Variants in CUBN observed in about 807,000 individuals in gnomAD.
The protein encoded by CUBN is cubilin.
CUBN carries 282 observed loss-of-function variants against 405.3 expected under a neutral mutation model. The observed-to-expected ratio is 0.70, with a 90% CI of 0.63 to 0.77. The LOEUF (loss-of-function observed/expected upper bound fraction) is 0.77, where lower values mean the gene tolerates loss of function less well. Among genes scored for constraint, CUBN ranks in the 30% least tolerant of loss-of-function variants. The pLI, the probability that CUBN is intolerant of heterozygous loss-of-function variation, is 0.00. For missense variants in CUBN, 4,514 were observed against 4,475.2 expected (o/e 1.01, Z -0.25); for synonymous variants, 1,684 against 1,617.0 (o/e 1.04, Z -0.99).
chr10:16,989,350 C>T (rs1833513860), intron 29 of CUBN, among the ~76,000 whole-genome samples: 1 of 147,722 alleles, frequency 6.8e-6, no homozygotes, highest in Non-Finnish European at 1.5e-5. Flanking sequence ...ATATAATAAT[C>T]TGTTATAATA....
chr10:17,043,734 C>T, intron 26 of CUBN, 93 bp downstream of exon 26: 3 of 1,551,352 alleles, frequency 1.9e-6, no homozygotes, highest in Non-Finnish European at 2.7e-6. Flanking sequence ...AGCGAGTATA[C>T]ATACTTACTC....
At chr10:16,951,237 G>T (rs1326713979) in intron 33 of CUBN, among the ~76,000 whole-genome samples, 1 of 152,078 alleles carries the variant, frequency 6.6e-6, no homozygotes, top group African/African-American at 2.4e-5. Flanking sequence ...TTTCTTTGGG[G>T]CTCCACCTCC....
chr10:16,865,056 C>T (rs147059634), intron 59 of CUBN, among the ~76,000 whole-genome samples: 6,250 of 146,672 alleles, frequency 0.043, 186 homozygotes, highest in Non-Finnish European at 0.065. Flanking sequence ...GCAACCTCTG[C>T]CTCCTGGGTT....
chr10:17,068,485 C>T (rs766708155), intron 20 of CUBN, 120 bp downstream of exon 20: 1 of 972,616 alleles, frequency 1.0e-6, no homozygotes, highest in Non-Finnish European at 1.6e-6. Context: ...CATTCTTTGT[C>T]TTTGAGTGTA....
rs75552368 is a variant in CUBN at position 17,032,411 on chromosome 10, G to A, written c.4017+8622C>T. Among the ~76,000 whole-genome samples the A allele has an allele frequency of 3.9e-3, 590 of 152,246 alleles. 4 individuals carry two copies. Among genetic ancestry groups the A allele is most frequent in the African/African-American group, 0.012 (512 of 41,536 alleles). ...GGACTCCAGAGCCCACACTGTATTC[G>A]TGCAGCACTGAGTGTGAACGTAGTT... On this transcript the variant is annotated intron_variant, in intron 27 of 66. Transcript: ENST00000377833.
At chr10:16,888,781 A>T (rs905467297) in intron 55 of CUBN, among the ~76,000 whole-genome samples, 6 of 144,722 alleles carry the variant, frequency 4.1e-5, no homozygotes, top group Non-Finnish European at 8.0e-5. Flanking sequence ...AATGCTGCAG[A>T]GTTTTATGGA....
chr10:17,045,234 G>A, intron 24 of CUBN, 46 bp from the exon 25 acceptor site: 2 of 1,585,942 alleles, frequency 1.3e-6, no homozygotes, highest in Non-Finnish European at 1.7e-6. Flanking sequence ...TTCCTTCTGG[G>A]GAAATTGAAT....
intron 8 of CUBN, among the ~76,000 whole-genome samples, chr10:17,112,701 A>G (rs1013790555): frequency 5.9e-5 from 9 of 151,944 alleles, no homozygotes; most frequent in African/African-American, 2.2e-4. Context: ...ATCTAAATAT[A>G]TACACGCAGA....
Position 16,869,572 on chromosome 10 carries a change from G to C in CUBN, c.9454+64C>G, listed in dbSNP as rs1343886250. 2.7e-6 allele frequency: 3 copies of C among 1,131,742 alleles called. No individual in the cohort carries two copies. In the Admixed American group the frequency reaches 5.1e-5, roughly 19 times the overall value. 70.1% of individuals were successfully genotyped at this position (1,131,742 alleles called of 1,614,324 possible). On this transcript the variant is annotated intron_variant, in intron 59 of 66. Coordinates refer to ENST00000377833, the MANE Select transcript of CUBN (RefSeq NM_001081.4). The stretch of plus-strand genomic sequence containing the variant: ...CAGGTGGGGGTGGGGGGGGGGCGGG[G>C]AAATTAAATAAAGCAGAAAGGTAAC...
intron 22 of CUBN, among the ~76,000 whole-genome samples, chr10:17,058,415 G>C (rs1434505988): frequency 6.6e-6 from 1 of 151,980 alleles, no homozygotes; most frequent in East Asian, 1.9e-4. Flanking sequence ...TGAAAGTTCT[G>C]TGCACAGACA....
chr10:16,978,782 C>A (rs983349721), intron 31 of CUBN, among the ~76,000 whole-genome samples: 2 of 152,114 alleles, frequency 1.3e-5, no homozygotes, highest in African/African-American at 4.8e-5. Flanking sequence ...TAGCCCGGAA[C>A]AAGACAAGGG....
rs370508865 is a variant in CUBN at position 17,102,579 on chromosome 10, G to T, written c.1530+546C>A. ...TAGGATCACAGGCGTGAGCCACCAG[G>T]CCTGGCCTTGTTACTCTTTTTTTTT... On this transcript the variant is annotated intron_variant, in intron 13 of 66. Coordinates refer to ENST00000377833, the MANE Select transcript of CUBN (RefSeq NM_001081.4). Among the ~76,000 whole-genome samples the T allele has an allele frequency of 4.7e-5, 7 of 147,670 alleles. 1 individual carries two copies. Among genetic ancestry groups the T allele is most frequent in the East Asian group, 2.0e-4 (1 of 4,986 alleles).
intron 31 of CUBN, among the ~76,000 whole-genome samples, chr10:16,968,095 C>A (rs959161468): frequency 1.3e-5 from 2 of 152,130 alleles, no homozygotes; most frequent in African/African-American, 4.8e-5. Flanking sequence ...TTAAAGAAGA[C>A]TTGTTTCCAT....
chr10:17,068,163 A>G lies in CUBN; in HGVS notation c.2909T>C (p.Ile970Thr), dbSNP rs752885513. The stretch of plus-strand genomic sequence containing the variant: ...ATGAAATGTTTCGAACATTAAATGA[A>G]TCAGGTGATTAGGTTGGACTAATAT... ...WHILVQPNHL[I>T]HLMFETFHLE... Residue 970 changes from isoleucine to threonine, a missense_variant, in exon 21 of 67, where the codon ATT (isoleucine) becomes ACT (threonine). Ile to Thr is a moderately conservative substitution (Grantham distance 89). Around this residue, in one of 5 missense-constraint regions of CUBN, gnomAD observed 1,448 missense variants for 1,388.0 expected, o/e 1.04. Transcript: ENST00000377833. 1.9e-6 allele frequency: 3 copies of G among 1,613,760 alleles called. No homozygotes were observed. Among genetic ancestry groups the G allele is most frequent in the Non-Finnish European group, 2.5e-6 (3 of 1,179,696 alleles).
intron 17 of CUBN, among the ~76,000 whole-genome samples, chr10:17,076,382 A>T (rs189330363): frequency 3.7e-4 from 56 of 152,124 alleles, no homozygotes; most frequent in Admixed American, 1.3e-3. Context: ...TGAAAGAGAC[A>T]CTAGAATAAA....
chr10:16,840,570 T>G, intron 61 of CUBN, 35 bp from the exon 62 acceptor site: 1 of 1,474,990 alleles, frequency 6.8e-7, no homozygotes, highest in Non-Finnish European at 9.3e-7. Flanking sequence ...CAGGAGACAT[T>G]TTATTCATGT....
At chr10:17,119,375 G>C (rs1269722802) in intron 6 of CUBN, among the ~76,000 whole-genome samples, 1 of 152,026 alleles carries the variant, frequency 6.6e-6, no homozygotes, top group Non-Finnish European at 1.5e-5. Flanking sequence ...AGTAAGCAGG[G>C]GAGGCTGGGC....
intron 59 of CUBN, among the ~76,000 whole-genome samples, chr10:16,868,820 C>T (rs1223178304): frequency 2.0e-5 from 3 of 152,144 alleles, no homozygotes; most frequent in African/African-American, 7.2e-5. Context: ...CATCAGCTTC[C>T]AACTAGACAG....
chr10:16,863,684 A>T (rs1588598662), intron 59 of CUBN, among the ~76,000 whole-genome samples: 1 of 152,366 alleles, frequency 6.6e-6, no homozygotes, highest in South Asian at 2.1e-4. Flanking sequence ...CTAGAAGCAG[A>T]AGTCTGAATT....
Sources: allele counts gnomAD v4.1 joint callset (sites outside exome capture counted in the v4.1 genomes callset), GRCh38; gene constraint gnomAD v4.1.1; regional missense constraint gnomAD v4.1.1; transcripts MANE v1.5; gene names NCBI Gene and HGNC (gene_info 2026-07-23, HGNC 2026-07-21).